Variants in KCNMA1 observed in about 807,000 individuals in gnomAD.
KCNMA1 encodes potassium calcium-activated channel subfamily M alpha 1, also known as Calcium-activated potassium channel subunit alpha-1.
A neutral mutation model predicts 140.0 loss-of-function variants in KCNMA1; 29 were observed. The observed-to-expected ratio is 0.21, with a 90% confidence interval of 0.15 to 0.28. The LOEUF (loss-of-function observed/expected upper bound fraction) is 0.28. KCNMA1 is among the 10% of genes least tolerant of loss of function. KCNMA1 has a pLI of 1.00. For missense variants in KCNMA1, 880 were observed against 1,602.2 expected (o/e 0.55, Z 7.70); for synonymous variants, 612 against 611.9 (o/e 1.00, Z 0.00).
chr10:77,459,843 C>T (rs1448703990), intron 1 of KCNMA1, among the ~76,000 whole-genome samples: 1 of 152,244 alleles, frequency 6.6e-6, no homozygotes, highest in Admixed American at 6.5e-5. Flanking sequence ...ACTATTTGAT[C>T]TCTCTGAGCC....
chr10:77,142,964 G>A (rs2098213302), intron 5 of KCNMA1, among the ~76,000 whole-genome samples: 1 of 152,134 alleles, frequency 6.6e-6, no homozygotes. Context: ...TCAGGTTCAG[G>A]CAGTTTCCAC....
chr10:77,286,766 C>CG (rs59896024), intron 2 of KCNMA1, among the ~76,000 whole-genome samples: 2 of 136,780 alleles, frequency 1.5e-5, no homozygotes, highest in South Asian at 2.6e-4. Flanking sequence ...TGTGTGTGTG[C>CG]GGGGGGGGGG....
chr10:77,002,914 T>A (rs554791763), intron 18 of KCNMA1, among the ~76,000 whole-genome samples: 1 of 152,166 alleles, frequency 6.6e-6, no homozygotes, highest in Non-Finnish European at 1.5e-5. Context: ...ACCTTCCATT[T>A]TGAAAGTCAT....
intron 2 of KCNMA1, among the ~76,000 whole-genome samples, chr10:77,377,412 A>G (rs78261157): frequency 1.3e-5 from 2 of 152,268 alleles, no homozygotes; most frequent in African/African-American, 2.4e-5. Flanking sequence ...TCCTTCCCCA[A>G]CTAGAACATG....
intron 5 of KCNMA1, among the ~76,000 whole-genome samples, chr10:77,162,708 T>C (rs879888495): frequency 2.0e-5 from 3 of 152,212 alleles, no homozygotes; most frequent in Admixed American, 6.5e-5. Flanking sequence ...TAGCAGAAAG[T>C]GTTAAAGCAT....
chr10:77,165,998 G>A (rs575127991), intron 5 of KCNMA1, among the ~76,000 whole-genome samples: 3 of 152,270 alleles, frequency 2.0e-5, no homozygotes, highest in Admixed American at 6.5e-5. Flanking sequence ...AGGTTGGGGA[G>A]TCTCTGCGGG....
At chr10:77,173,482 T>C (rs1252756118) in intron 5 of KCNMA1, among the ~76,000 whole-genome samples, 1 of 152,066 alleles carries the variant, frequency 6.6e-6, no homozygotes, top group Non-Finnish European at 1.5e-5. Context: ...GACAATTATA[T>C]ACTGTATGTA....
intron 1 of KCNMA1, among the ~76,000 whole-genome samples, chr10:77,480,953 TAC>T (rs2098383512): frequency 1.1e-5 from 1 of 92,438 alleles, no homozygotes; most frequent in Admixed American, 1.1e-4. Context: ...CTACTAAAAA[TAC>T]AAAAAAAAAA....
chr10:77,069,245 T>C (rs1191038475), intron 14 of KCNMA1, among the ~76,000 whole-genome samples: 1 of 152,130 alleles, frequency 6.6e-6, no homozygotes, highest in Non-Finnish European at 1.5e-5. Context: ...AACAGCATGT[T>C]CCAGGGCTGG....
At position 77,495,557 on chromosome 10, in the gene KCNMA1, G is replaced by A. The variant is rs144687678; in HGVS notation, c.379-91534C>T. Among the ~76,000 whole-genome samples the A allele has an allele frequency of 3.4e-3, 525 of 152,274 alleles. 4 individuals carry two copies. The highest frequency in any genetic ancestry group is 0.011 in the African/African-American group (473 of 41,562). On this transcript the variant is annotated intron_variant, in intron 1 of 27. Coordinates refer to ENST00000286628, the MANE Select transcript of KCNMA1 (RefSeq NM_001161352.2). The stretch of plus-strand genomic sequence containing the variant: ...AATGAGTGCCGTGATTTCTCTGCCC[G>A]TTTTCTCATTCATGAAAGGGAGAAA...
rs1376809095 is a variant in KCNMA1 at position 77,489,979 on chromosome 10, C to G, written c.379-85956G>C. Among the ~76,000 whole-genome samples, 3 of 152,312 alleles carry G rather than the reference C, an allele frequency of 2.0e-5. No individual in the cohort carries two copies. In the East Asian group the frequency reaches 5.8e-4, roughly 29 times the overall value. On this transcript the variant is annotated intron_variant, in intron 1 of 27. Transcript: ENST00000286628. ...CAGGTTAGGACAGAGTTTCTCAACC[C>G]CGGCACTGTTGACATTTTGGTCCAG...
intron 5 of KCNMA1, among the ~76,000 whole-genome samples, chr10:77,175,893 G>A (rs1022262667): frequency 2.0e-5 from 3 of 152,192 alleles, no homozygotes; most frequent in Admixed American, 1.3e-4. Context: ...TCCACTCTCT[G>A]GCCAAACCAT....
At chr10:77,438,863 G>T (rs962494634) in intron 1 of KCNMA1, among the ~76,000 whole-genome samples, 1 of 152,088 alleles carries the variant, frequency 6.6e-6, no homozygotes, top group African/African-American at 2.4e-5. Context: ...GATCACCTGA[G>T]GTCAGGAGTT....
At chr10:77,564,763 G>T (rs1487108012) in intron 1 of KCNMA1, among the ~76,000 whole-genome samples, 3 of 152,112 alleles carry the variant, frequency 2.0e-5, no homozygotes, top group African/African-American at 7.2e-5. Flanking sequence ...TCAACTAAGT[G>T]GAAAAGAGGA....
chr10:76,985,486 A>G lies in KCNMA1; in HGVS notation c.2267-15419T>C, dbSNP rs559866418. On this transcript the variant is annotated intron_variant, in intron 19 of 27. Coordinates refer to ENST00000286628, the MANE Select transcript of KCNMA1 (RefSeq NM_001161352.2). The stretch of plus-strand genomic sequence containing the variant: ...TTCTTTAAAAAATGTACCTAAACCA[A>G]CATGCCATTTAGGAAATTTGCTCCT... Among the ~76,000 whole-genome samples the G allele has an allele frequency of 5.9e-5, 9 of 152,352 alleles. No homozygotes were observed. In the East Asian group the frequency reaches 1.5e-3, roughly 26 times the overall value.
intron 2 of KCNMA1, among the ~76,000 whole-genome samples, chr10:77,362,278 G>A (rs1778203861): frequency 6.6e-6 from 1 of 151,562 alleles, no homozygotes; most frequent in Non-Finnish European, 1.5e-5. Context: ...CAAGAACAAT[G>A]ACTTAGCCCC....
At position 77,167,583 on chromosome 10, in the gene KCNMA1, C is replaced by T. The variant is rs375422472; in HGVS notation, c.808+15838G>A. Among the ~76,000 whole-genome samples the T allele has an allele frequency of 9.2e-5, 14 of 151,992 alleles. No homozygotes were observed. In the South Asian group the frequency reaches 1.2e-3, roughly 14 times the overall value. Reference sequence around the variant, plus strand: ...ATAAAGATGATGATAATAATGAAACCGGCAATATTTATGAAGTTTCTTAAC... The same window carrying T: ...ATAAAGATGATGATAATAATGAAACTGGCAATATTTATGAAGTTTCTTAAC... On this transcript the variant is annotated intron_variant, in intron 5 of 27. Coordinates refer to ENST00000286628, the MANE Select transcript of KCNMA1 (RefSeq NM_001161352.2).
intron 2 of KCNMA1, among the ~76,000 whole-genome samples, chr10:77,319,428 A>G (rs1199862049): frequency 6.6e-6 from 1 of 152,218 alleles, no homozygotes; most frequent in Non-Finnish European, 1.5e-5. Context: ...CCAAAGCACA[A>G]CCAAGGATTT....
intron 1 of KCNMA1, among the ~76,000 whole-genome samples, chr10:77,573,783 C>T (rs2072902747): frequency 6.6e-6 from 1 of 151,596 alleles, no homozygotes; most frequent in Non-Finnish European, 1.5e-5. Flanking sequence ...CCCTTCCAGA[C>T]TCACCCTGTA....
Sources: allele counts gnomAD v4.1 joint callset (sites outside exome capture counted in the v4.1 genomes callset), GRCh38; gene constraint gnomAD v4.1.1; transcripts MANE v1.5; gene names NCBI Gene and HGNC (gene_info 2026-07-23, HGNC 2026-07-21).